The following GPC6 variants were observed in gnomAD, a reference collection of about 807,000 sequenced individuals.
The protein encoded by GPC6 is glypican 6.
A neutral mutation model predicts 55.2 loss-of-function variants in GPC6; 14 were observed. The observed-to-expected ratio is 0.25, with a 90% CI of 0.17 to 0.40. The LOEUF is 0.40. Among genes scored for constraint, GPC6 ranks in the 10% least tolerant of loss-of-function variants. The pLI, the probability that GPC6 is intolerant of heterozygous loss-of-function variation, is 1.00. For missense variants in GPC6, 641 were observed against 708.5 expected, an observed-to-expected ratio of 0.90 and a Z score of 1.08; for synonymous variants, 278 against 259.6, an observed-to-expected ratio of 1.07 and a Z score of -0.68.
intron 4 of GPC6, among the ~76,000 whole-genome samples, chr13:94,069,765 C>T (rs183386303): frequency 1.3e-5 from 2 of 152,320 alleles, no homozygotes; most frequent in East Asian, 3.9e-4. Context: ...GCTCTAGTTC[C>T]CAACAAGTTT....
At chr13:93,854,877 G>A (rs1175206593) in intron 3 of GPC6, among the ~76,000 whole-genome samples, 1 of 141,432 alleles carries the variant, frequency 7.1e-6, no homozygotes, top group Non-Finnish European at 1.5e-5. Flanking sequence ...TTCTTTTTCA[G>A]AGCAGTTTTA....
intron 2 of GPC6, among the ~76,000 whole-genome samples, chr13:93,675,154 G>A (rs1208042550): frequency 1.3e-5 from 2 of 152,086 alleles, no homozygotes; most frequent in African/African-American, 4.8e-5. Flanking sequence ...TATGATGTAG[G>A]TGCGCTTCCT....
At chr13:93,655,561 A>T (rs1212263487) in intron 2 of GPC6, among the ~76,000 whole-genome samples, 1 of 152,226 alleles carries the variant, frequency 6.6e-6, no homozygotes, top group African/African-American at 2.4e-5. Flanking sequence ...AACATTTTTT[A>T]CAACCATGGT....
intron 3 of GPC6, among the ~76,000 whole-genome samples, chr13:93,835,172 G>C (rs1410532771): frequency 6.6e-6 from 1 of 152,182 alleles, no homozygotes; most frequent in Non-Finnish European, 1.5e-5. Context: ...AGTGACTTCT[G>C]GCATGGCATG....
At chr13:93,831,861 C>T (rs1329550148) in intron 3 of GPC6, among the ~76,000 whole-genome samples, 36 of 150,326 alleles carry the variant, frequency 2.4e-4, no homozygotes, top group East Asian at 1.2e-3. Flanking sequence ...GAGGTTGAGG[C>T]GGGCAGATCT....
At chr13:93,925,955 A>G (rs938514926) in intron 3 of GPC6, among the ~76,000 whole-genome samples, 3 of 152,196 alleles carry the variant, frequency 2.0e-5, no homozygotes, top group Non-Finnish European at 4.4e-5. Context: ...GCTGCCAGTC[A>G]TCTCTTACTC....
chr13:94,383,051 C>T (rs1880239841), intron 7 of GPC6, among the ~76,000 whole-genome samples: 1 of 152,170 alleles, frequency 6.6e-6, no homozygotes, highest in Non-Finnish European at 1.5e-5. Context: ...ATAGGCAACA[C>T]ACTTTGGGAA....
chr13:93,582,073 A>G (rs775784854), intron 2 of GPC6, among the ~76,000 whole-genome samples: 2 of 152,254 alleles, frequency 1.3e-5, no homozygotes, highest in Non-Finnish European at 2.9e-5. Flanking sequence ...TCCAGAATCA[A>G]CAAAACTTAA....
intron 1 of GPC6, among the ~76,000 whole-genome samples, chr13:93,315,283 T>A (rs1055980453): frequency 1.9e-4 from 29 of 152,100 alleles, no homozygotes; most frequent in African/African-American, 6.0e-4. Flanking sequence ...TATTTCTTTT[T>A]CTTTGCCATA....
chr13:93,434,947 C>T (rs975504720), intron 1 of GPC6, among the ~76,000 whole-genome samples: 3 of 152,040 alleles, frequency 2.0e-5, no homozygotes, highest in African/African-American at 4.8e-5. Context: ...CCTGGTGATC[C>T]GCCTGCCTTG....
chr13:94,118,555 T>C (rs1231201229), intron 4 of GPC6, among the ~76,000 whole-genome samples: 1 of 152,112 alleles, frequency 6.6e-6, no homozygotes, highest in African/African-American at 2.4e-5. Flanking sequence ...TGTGAACATA[T>C]GGCGTTTCTC....
At chr13:93,718,344 CA>C (rs1883327427) in intron 2 of GPC6, among the ~76,000 whole-genome samples, 1 of 152,030 alleles carries the variant, frequency 6.6e-6, no homozygotes, top group South Asian at 2.1e-4. Flanking sequence ...TTTTGATTTG[CA>C]TTTCTCTAAT....
At chr13:93,375,606 T>C (rs1038345464) in intron 1 of GPC6, among the ~76,000 whole-genome samples, 1 of 152,170 alleles carries the variant, frequency 6.6e-6, no homozygotes, top group African/African-American at 2.4e-5. Flanking sequence ...TCATTTTCAC[T>C]CCTCCCGATG....
intron 3 of GPC6, chr13:93,835,960 A>C (rs938908071): frequency 5.9e-5 from 9 of 152,094 alleles, no homozygotes; most frequent in Non-Finnish European, 1.3e-4. Flanking sequence ...CCATCTCTCT[A>C]TCAAAAATCT....
chr13:94,370,150 G>A (rs1315545690), intron 6 of GPC6, among the ~76,000 whole-genome samples: 1 of 152,204 alleles, frequency 6.6e-6, no homozygotes, highest in Admixed American at 6.5e-5. Context: ...GTTCTTGGAG[G>A]CTAAAACTTG....
chr13:93,824,963 T>C (rs567328636), intron 2 of GPC6, among the ~76,000 whole-genome samples: 68 of 152,284 alleles, frequency 4.5e-4, no homozygotes, highest in Non-Finnish European at 8.4e-4. Context: ...TTACTGTGAA[T>C]ACAATCTGTA....
intron 4 of GPC6, among the ~76,000 whole-genome samples, chr13:94,194,520 A>C (rs10459317): frequency 0.13 from 20,469 of 152,190 alleles, 1,418 homozygotes; most frequent in South Asian, 0.23. Flanking sequence ...CAAACATTGT[A>C]TGTTCTCACT....
intron 1 of GPC6, among the ~76,000 whole-genome samples, chr13:93,473,471 G>A (rs1172380957): frequency 6.6e-6 from 1 of 152,200 alleles, no homozygotes; most frequent in African/African-American, 2.4e-5. Context: ...GGAAGTGAGA[G>A]CAGTCACCAC....
At position 93,379,858 on chromosome 13, in the gene GPC6, A is replaced by C. The variant is rs538432749; in HGVS notation, c.160+152242A>C. 2.6e-5 allele frequency among the ~76,000 whole-genome samples: 4 copies of C among 152,040 alleles called. No individual in the cohort carries two copies. The East Asian group carries it at 7.7e-4, about 29-fold the overall frequency. The stretch of plus-strand genomic sequence containing the variant: ...TATATGGTCAATTAATGAAACAAAA[A>C]GGTGCTATCGTCTTTAAAAATACTG... On this transcript the variant is annotated intron_variant, in intron 1 of 8. Transcript: ENST00000377047.
Sources: allele counts gnomAD v4.1 joint callset (sites outside exome capture counted in the v4.1 genomes callset), GRCh38; gene constraint gnomAD v4.1.1; transcripts MANE v1.5; gene names NCBI Gene and HGNC (gene_info 2026-07-23, HGNC 2026-07-21).